Variants in TBC1D5 observed in about 807,000 individuals in gnomAD.
The protein encoded by TBC1D5 is TBC1 domain family, member 5.
In TBC1D5, 75 loss-of-function variants were observed where a neutral mutation model predicts 100.3. That is an observed-to-expected ratio of 0.75 (90% CI 0.62 to 0.91). The LOEUF (loss-of-function observed/expected upper bound fraction) is 0.91, where lower values mean the gene tolerates loss of function less well. Among genes scored for constraint, TBC1D5 ranks in the 40% least tolerant of loss-of-function variants. TBC1D5 has a pLI of 0.00. For missense variants in TBC1D5, 910 were observed against 942.4 expected, an observed-to-expected ratio of 0.97 and a Z score of 0.45; for synonymous variants, 323 against 325.6, an observed-to-expected ratio of 0.99 and a Z score of 0.09.
intron 18 of TBC1D5, among the ~76,000 whole-genome samples, chr3:17,196,939 T>C (rs1454098572): frequency 6.6e-6 from 1 of 152,190 alleles, no homozygotes; most frequent in Non-Finnish European, 1.5e-5. Context: ...ACACACAACA[T>C]CATCCTCAAG....
chr3:17,355,636 A>G (rs976229181), intron 13 of TBC1D5, among the ~76,000 whole-genome samples: 1 of 134,880 alleles, frequency 7.4e-6, no homozygotes, highest in Admixed American at 7.4e-5. Context: ...ATGTGTGACA[A>G]GAAAGTAATA....
intron 15 of TBC1D5, among the ~76,000 whole-genome samples, chr3:17,259,896 C>T (rs1242820226): frequency 6.6e-6 from 1 of 152,176 alleles, no homozygotes; most frequent in East Asian, 1.9e-4. Flanking sequence ...AAATGACAAT[C>T]CCTTGATTTA....
At chr3:17,640,817 A>C (rs2064427344) in intron 1 of TBC1D5, among the ~76,000 whole-genome samples, 2 of 152,154 alleles carry the variant, frequency 1.3e-5, no homozygotes, top group Non-Finnish European at 2.9e-5. Context: ...ATGGAGTTTC[A>C]TTATTTCTAT....
At chr3:17,585,167 T>A (rs1457796138) in intron 2 of TBC1D5, among the ~76,000 whole-genome samples, 1 of 152,190 alleles carries the variant, frequency 6.6e-6, no homozygotes, top group Non-Finnish European at 1.5e-5. Context: ...ATTATTTTTA[T>A]ACATCAGGAA....
chr3:17,638,299 C>T (rs184802356), intron 1 of TBC1D5, among the ~76,000 whole-genome samples: 10 of 152,142 alleles, frequency 6.6e-5, no homozygotes, highest in Non-Finnish European at 1.0e-4. Context: ...TTACCCCATA[C>T]CCATTAAACA....
At chr3:17,571,390 G>A (rs995363196) in intron 2 of TBC1D5, among the ~76,000 whole-genome samples, 2 of 151,788 alleles carry the variant, frequency 1.3e-5, no homozygotes, top group African/African-American at 2.4e-5. Flanking sequence ...TGTGCAGCTC[G>A]GCTATTAATC....
intron 15 of TBC1D5, among the ~76,000 whole-genome samples, chr3:17,287,386 G>A (rs564115381): frequency 5.6e-4 from 86 of 152,324 alleles, no homozygotes; most frequent in African/African-American, 1.6e-3. Flanking sequence ...ACAAGGTGCC[G>A]TGGGAACTCA....
chr3:17,467,350 T>TA (rs2095318778), intron 3 of TBC1D5, among the ~76,000 whole-genome samples: 1 of 150,914 alleles, frequency 6.6e-6, no homozygotes, highest in Non-Finnish European at 1.5e-5. Context: ...AGTTTTAGGG[T>TA]ACATGTGCAC....
At chr3:17,566,994 T>A (rs1031108517) in intron 2 of TBC1D5, among the ~76,000 whole-genome samples, 5 of 151,800 alleles carry the variant, frequency 3.3e-5, no homozygotes, top group Admixed American at 3.3e-4. Flanking sequence ...TATTTTCCTA[T>A]CCTAAATCAT....
chr3:17,403,342 C>T (rs889050653), intron 7 of TBC1D5, 94 bp from the exon 8 acceptor site: 10 of 818,798 alleles, frequency 1.2e-5, no homozygotes, highest in Admixed American at 1.1e-4. Context: ...AAAATTTATT[C>T]TTCTCTGAGA....
chr3:17,426,524 A>C (rs1235500619), intron 4 of TBC1D5, among the ~76,000 whole-genome samples: 1 of 152,060 alleles, frequency 6.6e-6, no homozygotes, highest in Non-Finnish European at 1.5e-5. Context: ...TTCTCTTTTT[A>C]ATTACAACAA....
At chr3:17,723,946 T>C (rs917920885) in intron 1 of TBC1D5, among the ~76,000 whole-genome samples, 4 of 152,146 alleles carry the variant, frequency 2.6e-5, no homozygotes, top group Admixed American at 2.6e-4. Flanking sequence ...TCAGAAAATA[T>C]ATCTATCTAT....
At chr3:17,179,238 CAT>C (rs1454909618) in intron 19 of TBC1D5, among the ~76,000 whole-genome samples, 1 of 152,154 alleles carries the variant, frequency 6.6e-6, no homozygotes, top group Non-Finnish European at 1.5e-5. Context: ...ACTCTTTTTT[CAT>C]AGTGTAGTTG....
intron 18 of TBC1D5, among the ~76,000 whole-genome samples, chr3:17,208,910 T>C (rs1653252483): frequency 2.0e-5 from 3 of 152,212 alleles, no homozygotes; most frequent in African/African-American, 7.2e-5. Context: ...TGCCAATACA[T>C]TCTACTTTGC....
chr3:17,192,420 A>G (rs1480387525), intron 18 of TBC1D5, among the ~76,000 whole-genome samples: 1 of 152,096 alleles, frequency 6.6e-6, no homozygotes, highest in African/African-American at 2.4e-5. Context: ...AACCTGGAGT[A>G]GTATAGCATT....
chr3:17,486,262 C>T (rs1021738547), intron 3 of TBC1D5, among the ~76,000 whole-genome samples: 17 of 152,016 alleles, frequency 1.1e-4, no homozygotes, highest in African/African-American at 3.1e-4. Flanking sequence ...GAGTAGGTTG[C>T]GAAAATTTTC....
At chr3:17,441,487 A>C (rs547819912) in intron 3 of TBC1D5, among the ~76,000 whole-genome samples, 1 of 152,336 alleles carries the variant, frequency 6.6e-6, no homozygotes, top group Non-Finnish European at 1.5e-5. Flanking sequence ...ACAATATGCA[A>C]AGCACAAAGG....
intron 2 of TBC1D5, among the ~76,000 whole-genome samples, chr3:17,554,766 A>G (rs2096501759): frequency 2.0e-5 from 3 of 151,930 alleles, no homozygotes; most frequent in South Asian, 4.1e-4. Context: ...AAATCTTTCC[A>G]TGCTTGTGTC....
At chr3:17,346,418 C>T (rs770346828) in intron 13 of TBC1D5, among the ~76,000 whole-genome samples, 2 of 152,016 alleles carry the variant, frequency 1.3e-5, no homozygotes, top group Non-Finnish European at 2.9e-5. Context: ...GTCTGTACCA[C>T]CTGCCCATTT....
Sources: gnomAD v4.1 joint callset for allele counts (sites outside exome capture counted in the v4.1 genomes callset) on GRCh38, gnomAD v4.1.1 for gene constraint, MANE v1.5 for transcripts, NCBI Gene and HGNC (gene_info 2026-07-23, HGNC 2026-07-21) for gene names.